DENND5B: variants seen among roughly 807,000 people sequenced by gnomAD.
The protein encoded by DENND5B is DENN domain containing 5B.
In DENND5B, 34 loss-of-function variants were observed where a neutral mutation model predicts 140.6. The observed-to-expected ratio is 0.24, with a 90% CI of 0.18 to 0.32. DENND5B has a LOEUF of 0.32. DENND5B is among the 10% of genes least tolerant of loss of function. The pLI, the probability that DENND5B is intolerant of heterozygous loss-of-function variation, is 1.00. For synonymous variants in DENND5B, 551 were observed against 562.1 expected, an observed-to-expected ratio of 0.98 and a Z score of 0.28; for missense variants, 1,142 against 1,560.2, an observed-to-expected ratio of 0.73 and a Z score of 4.52.
chr12:31,398,416 C>T (rs1798769), intron 16 of DENND5B, 54 bp from the exon 17 acceptor site: 1,447,816 of 1,491,776 alleles, frequency 0.97, 703,837 homozygotes, highest in East Asian at 0.99. Context: ...GACAGGGTTC[C>T]CGCTCAGCCC....
At chr12:31,398,059 A>T in intron 17 of DENND5B, 116 bp downstream of exon 17, 1 of 1,010,260 alleles carries the variant, frequency 9.9e-7, no homozygotes, top group Non-Finnish European at 1.3e-6. Flanking sequence ...AATTTTCCTC[A>T]ACTTTCTTCT....
chr12:31,559,473 T>C, intron 1 of DENND5B, among the ~76,000 whole-genome samples: 1 of 100,102 alleles, frequency 1.0e-5, no homozygotes, highest in Admixed American at 1.3e-4. Flanking sequence ...TTTGGAGTTA[T>C]CTCCAGACAA....
intron 1 of DENND5B, among the ~76,000 whole-genome samples, chr12:31,575,229 C>G (rs1349791012): frequency 1.3e-5 from 2 of 152,178 alleles, no homozygotes; most frequent in African/African-American, 4.8e-5. Context: ...AAATAGAAAA[C>G]ACTGTGGTTC....
At chr12:31,461,227 A>G in intron 3 of DENND5B, among the ~76,000 whole-genome samples, 1 of 152,088 alleles carries the variant, frequency 6.6e-6, no homozygotes, top group East Asian at 1.9e-4. Context: ...TTAGCTGATT[A>G]TATTTATTTT....
At chr12:31,531,475 C>T (rs1398816150) in intron 1 of DENND5B, among the ~76,000 whole-genome samples, 1 of 152,210 alleles carries the variant, frequency 6.6e-6, no homozygotes, top group Non-Finnish European at 1.5e-5. Flanking sequence ...GGATTACAGG[C>T]GTGAGCCACC....
chr12:31,456,245 A>T (rs1944770230), intron 4 of DENND5B, among the ~76,000 whole-genome samples: 1 of 148,850 alleles, frequency 6.7e-6, no homozygotes, highest in South Asian at 2.1e-4. Context: ...CAAAAGAATC[A>T]CTTGAACCTG....
intron 11 of DENND5B, among the ~76,000 whole-genome samples, chr12:31,421,652 C>T (rs1034725300): frequency 2.6e-5 from 4 of 152,060 alleles, no homozygotes; most frequent in Admixed American, 2.0e-4. Context: ...CAGGTTCAAG[C>T]GATTCTCCTG....
intron 2 of DENND5B, among the ~76,000 whole-genome samples, chr12:31,487,539 A>G (rs1946357687): frequency 6.6e-6 from 1 of 152,092 alleles, no homozygotes; most frequent in Non-Finnish European, 1.5e-5. Context: ...TGCCTCTACT[A>G]AAAATACAAA....
chr12:31,394,579 G>C (rs1276664833), intron 17 of DENND5B, among the ~76,000 whole-genome samples: 1 of 150,628 alleles, frequency 6.6e-6, no homozygotes, highest in Non-Finnish European at 1.5e-5. Flanking sequence ...TCATGATACA[G>C]AACATTTCCA....
chr12:31,584,788 C>G (rs1950337335), intron 1 of DENND5B, among the ~76,000 whole-genome samples: 1 of 152,158 alleles, frequency 6.6e-6, no homozygotes, highest in African/African-American at 2.4e-5. Context: ...CATTGCACCA[C>G]TGCACTCCAG....
At chr12:31,578,872 C>T (rs1004945225) in intron 1 of DENND5B, among the ~76,000 whole-genome samples, 1 of 152,186 alleles carries the variant, frequency 6.6e-6, no homozygotes, top group African/African-American at 2.4e-5. Context: ...CACTGAATGT[C>T]ATCCTTCTCA....
intron 1 of DENND5B, among the ~76,000 whole-genome samples, chr12:31,501,335 T>C (rs1052603189): frequency 6.6e-6 from 1 of 152,182 alleles, no homozygotes; most frequent in Non-Finnish European, 1.5e-5. Flanking sequence ...TCCGCCACAA[T>C]TGTAAGTTTC....
At chr12:31,555,297 G>T (rs146447357) in intron 1 of DENND5B, among the ~76,000 whole-genome samples, 22,645 of 152,212 alleles carry the variant, frequency 0.15, 1,882 homozygotes, top group East Asian at 0.25. Context: ...CTGCAGGTCT[G>T]TTGGAGTTTG....
At chr12:31,405,493 C>T (rs1307125203) in intron 14 of DENND5B, among the ~76,000 whole-genome samples, 4 of 151,694 alleles carry the variant, frequency 2.6e-5, no homozygotes, top group Admixed American at 1.3e-4. Context: ...GTTAAGACTA[C>T]CGGCATGAGC....
chr12:31,489,734 G>A (rs1193372020), intron 2 of DENND5B, among the ~76,000 whole-genome samples: 2 of 130,110 alleles, frequency 1.5e-5, no homozygotes, highest in African/African-American at 2.9e-5. Context: ...AACTGCAACT[G>A]AGATAGGTGC....
chr12:31,414,797 C>T (rs968957821), intron 12 of DENND5B, among the ~76,000 whole-genome samples: 6 of 152,004 alleles, frequency 3.9e-5, no homozygotes, highest in South Asian at 2.1e-4. Flanking sequence ...GGAATGGTGG[C>T]GCATGCCTGT....
At position 31,482,515 on chromosome 12, in the gene DENND5B, C is replaced by T. The variant is rs149911736; in HGVS notation, c.238-2260G>A. On this transcript the variant is annotated intron_variant, in intron 2 of 20. Transcript: ENST00000389082. ...TTCTCACTTACCCCATTATCCAATC[C>T]ATCAGCAAATATTATCAATTCTATC... is the stretch of plus-strand genomic sequence containing the variant. Among the ~76,000 whole-genome samples the T allele has an allele frequency of 1.6e-4, 25 of 152,230 alleles. No homozygotes were observed. The East Asian group carries it at 4.1e-3, about 25-fold the overall frequency.
chr12:31,568,750 C>T (rs1380198680), intron 1 of DENND5B, among the ~76,000 whole-genome samples: 1 of 152,108 alleles, frequency 6.6e-6, no homozygotes, highest in Non-Finnish European at 1.5e-5. Flanking sequence ...TGAACACATG[C>T]CCCCAAAAAC....
intron 1 of DENND5B, among the ~76,000 whole-genome samples, chr12:31,581,037 T>A (rs1302259368): frequency 6.6e-6 from 1 of 152,066 alleles, no homozygotes; most frequent in Admixed American, 6.6e-5. Context: ...CCTAGGAGGT[T>A]GAGGCTGCAG....
Sources: gnomAD v4.1 joint callset for allele counts (sites outside exome capture counted in the v4.1 genomes callset) on GRCh38, gnomAD v4.1.1 for gene constraint, MANE v1.5 for transcripts, NCBI Gene and HGNC (gene_info 2026-07-23, HGNC 2026-07-21) for gene names.